The following ATRNL1 variants were observed in gnomAD, a reference collection of about 807,000 sequenced individuals.
ATRNL1 encodes the protein attractin-like protein 1.
Under a neutral mutation model 182.7 loss-of-function variants are expected in ATRNL1, and 95 were observed. The observed-to-expected ratio is 0.52, with a 90% CI of 0.44 to 0.62. The LOEUF is 0.62. Among genes scored for constraint, ATRNL1 ranks in the 20% least tolerant of loss-of-function variants. The pLI is 0.00. For synonymous variants in ATRNL1, 576 were observed against 568.3 expected (o/e 1.01, Z -0.19); for missense variants, 1,471 against 1,679.5 (o/e 0.88, Z 2.17).
chr10:115,430,693 A>T lies in ATRNL1; in HGVS notation c.3322+4391A>T, dbSNP rs1482316124. Among the ~76,000 whole-genome samples the T allele has an allele frequency of 2.6e-5, 4 of 152,106 alleles. No individual in the cohort carries two copies. The East Asian group carries it at 7.7e-4, about 29-fold the overall frequency. On this transcript the variant is annotated intron_variant, in intron 21 of 28. Coordinates refer to ENST00000355044, the MANE Select transcript of ATRNL1 (RefSeq NM_207303.4). ...ATTTGTTAACTATTTTTAATTTTTT[A>T]AAAATGTTACTGAGAATGTGGCATA... is the stretch of plus-strand genomic sequence containing the variant.
At chr10:115,636,774 T>G (rs1858902929) in intron 26 of ATRNL1, among the ~76,000 whole-genome samples, 1 of 152,192 alleles carries the variant, frequency 6.6e-6, no homozygotes, top group Non-Finnish European at 1.5e-5. Context: ...AGCAATATTA[T>G]TCACAGTAAA....
intron 12 of ATRNL1, among the ~76,000 whole-genome samples, chr10:115,267,359 T>C (rs1165385296): frequency 1.3e-5 from 2 of 151,726 alleles, no homozygotes; most frequent in Non-Finnish European, 2.9e-5. Context: ...TTATTTTCCA[T>C]GTGGTATTTT....
intron 26 of ATRNL1, among the ~76,000 whole-genome samples, chr10:115,576,028 A>G (rs1265769165): frequency 1.3e-5 from 2 of 152,112 alleles, no homozygotes; most frequent in Non-Finnish European, 2.9e-5. Context: ...TTCACACAGC[A>G]TAATATCCTC....
intron 18 of ATRNL1, among the ~76,000 whole-genome samples, chr10:115,320,624 C>G (rs1854533192): frequency 6.6e-6 from 1 of 152,084 alleles, no homozygotes; most frequent in Admixed American, 6.6e-5. Flanking sequence ...TGTCTGCATG[C>G]CTTATTTCAG....
intron 5 of ATRNL1, among the ~76,000 whole-genome samples, chr10:115,148,747 T>G (rs1460813114): frequency 3.4e-5 from 5 of 145,214 alleles, no homozygotes; most frequent in Admixed American, 2.0e-4. Flanking sequence ...CAGATGCGTT[T>G]TTTTTTTTTT....
At chr10:115,161,513 T>A (rs921959530) in intron 6 of ATRNL1, among the ~76,000 whole-genome samples, 1 of 152,048 alleles carries the variant, frequency 6.6e-6, no homozygotes, top group Non-Finnish European at 1.5e-5. Flanking sequence ...TAAATTGTGA[T>A]ATTTCCAAAG....
intron 28 of ATRNL1, among the ~76,000 whole-genome samples, chr10:115,868,503 G>T (rs2134408959): frequency 6.6e-6 from 1 of 152,188 alleles, no homozygotes; most frequent in East Asian, 1.9e-4. Flanking sequence ...CTTTATCACA[G>T]TATCCTCTAT....
chr10:115,226,245 T>C (rs1849689243), intron 9 of ATRNL1, among the ~76,000 whole-genome samples: 1 of 152,014 alleles, frequency 6.6e-6, no homozygotes, highest in South Asian at 2.1e-4. Flanking sequence ...CACATCATCA[T>C]AAACAAAGAT....
intron 26 of ATRNL1, among the ~76,000 whole-genome samples, chr10:115,559,279 A>AT (rs1554998294): frequency 6.6e-6 from 1 of 152,194 alleles, no homozygotes; most frequent in African/African-American, 2.4e-5. Flanking sequence ...TGCATTTGTT[A>AT]TTTTTAAATT....
chr10:115,121,657 TTGTA>T, intron 2 of ATRNL1, 38 bp from the exon 3 acceptor site: 1 of 852,596 alleles, frequency 1.2e-6, no homozygotes, highest in Non-Finnish European at 1.8e-6. Context: ...ACTCTGTGCT[TTGTA>T]TATTTTAATT....
At chr10:115,248,487 A>C (rs950710751) in intron 10 of ATRNL1, among the ~76,000 whole-genome samples, 1 of 152,214 alleles carries the variant, frequency 6.6e-6, no homozygotes, top group Non-Finnish European at 1.5e-5. Context: ...TAGGAATTCA[A>C]CTGTGATTCG....
intron 19 of ATRNL1, among the ~76,000 whole-genome samples, chr10:115,369,268 G>C (rs535149790): frequency 4.5e-4 from 65 of 143,770 alleles, no homozygotes; most frequent in Non-Finnish European, 6.2e-4. Flanking sequence ...GTGTGAGGGG[G>C]ATGGGGTAAT....
At chr10:115,717,323 A>C (rs1947284345) in intron 26 of ATRNL1, among the ~76,000 whole-genome samples, 1 of 152,168 alleles carries the variant, frequency 6.6e-6, no homozygotes, top group Non-Finnish European at 1.5e-5. Context: ...ATTATGTTTT[A>C]GAAAATAATG....
intron 28 of ATRNL1, among the ~76,000 whole-genome samples, chr10:115,922,184 T>A (rs1343243571): frequency 6.6e-6 from 1 of 152,196 alleles, no homozygotes; most frequent in African/African-American, 2.4e-5. Context: ...ATGGACAGTT[T>A]GACATTGTCT....
At chr10:115,651,324 C>A (rs577313760) in intron 26 of ATRNL1, among the ~76,000 whole-genome samples, 3 of 152,058 alleles carry the variant, frequency 2.0e-5, no homozygotes, top group Non-Finnish European at 4.4e-5. Flanking sequence ...CCGCATTAGA[C>A]CTATGTAACA....
chr10:115,256,213 T>G (rs938975282), intron 10 of ATRNL1, among the ~76,000 whole-genome samples: 2 of 152,218 alleles, frequency 1.3e-5, no homozygotes, highest in Non-Finnish European at 2.9e-5. Context: ...GAAGGAATGG[T>G]ACCAGCTCCT....
chr10:115,848,214 G>A (rs549096698), intron 28 of ATRNL1, among the ~76,000 whole-genome samples: 34 of 152,206 alleles, frequency 2.2e-4, no homozygotes, highest in Non-Finnish European at 4.4e-4. Context: ...TGTTGAATAT[G>A]TGTTTATTTG....
At chr10:115,677,674 A>G (rs1324103569) in intron 26 of ATRNL1, among the ~76,000 whole-genome samples, 2 of 152,034 alleles carry the variant, frequency 1.3e-5, no homozygotes, top group African/African-American at 4.8e-5. Flanking sequence ...ATGGGACTGT[A>G]AGTCCAATTA....
intron 5 of ATRNL1, among the ~76,000 whole-genome samples, chr10:115,144,442 G>A (rs1845887703): frequency 6.6e-6 from 1 of 152,098 alleles, no homozygotes; most frequent in Non-Finnish European, 1.5e-5. Flanking sequence ...ACAGGCGTGA[G>A]CCACTGTGCC....
Sources: gnomAD v4.1 joint callset for allele counts (sites outside exome capture counted in the v4.1 genomes callset) on GRCh38, gnomAD v4.1.1 for gene constraint, MANE v1.5 for transcripts, NCBI Gene and HGNC (gene_info 2026-07-23, HGNC 2026-07-21) for gene names.